The following TAF4 variants were observed in gnomAD, a reference collection of about 807,000 sequenced individuals.
The protein encoded by TAF4 is transcription initiation factor TFIID subunit 4.
A neutral mutation model predicts 90.3 loss-of-function variants in TAF4; 9 were observed. The ratio of observed to expected loss-of-function variants is 0.10; its 90% CI spans 0.06 to 0.17. The LOEUF (loss-of-function observed/expected upper bound fraction) is 0.17. Among genes scored for constraint, TAF4 ranks in the 10% least tolerant of loss-of-function variants. The probability of loss-of-function intolerance (pLI) is 1.00; values close to 1 mark genes in which losing one functional copy is unlikely to be tolerated. For synonymous variants in TAF4, 818 were observed against 638.9 expected, an observed-to-expected ratio of 1.28 and a Z score of -4.23; for missense variants, 1,351 against 1,370.7, an observed-to-expected ratio of 0.99 and a Z score of 0.23.
chr20:61,993,671 G>A (rs2055645707), intron 14 of TAF4, among the ~76,000 whole-genome samples: 1 of 152,184 alleles, frequency 6.6e-6, no homozygotes, highest in Admixed American at 6.5e-5. Context: ...TTGGAGGGAG[G>A]TAAAAGCAGC....
chr20:61,990,228 A>C (rs1412932800), intron 14 of TAF4, among the ~76,000 whole-genome samples: 1 of 152,200 alleles, frequency 6.6e-6, no homozygotes, highest in African/African-American at 2.4e-5. Flanking sequence ...ACGCAAACAC[A>C]TGTGGTGTAG....
chr20:62,050,843 C>G (rs991505110), intron 1 of TAF4, among the ~76,000 whole-genome samples: 1 of 152,020 alleles, frequency 6.6e-6, no homozygotes, highest in African/African-American at 2.4e-5. Flanking sequence ...CCTGGCCCCC[C>G]AGAACAAGGC....
chr20:62,021,416 A>C (rs568805143), intron 1 of TAF4, among the ~76,000 whole-genome samples: 1 of 152,358 alleles, frequency 6.6e-6, no homozygotes, highest in South Asian at 2.1e-4. Context: ...CAGGGCAGTA[A>C]GCACCTGGGA....
At chr20:61,984,043 C>A (rs777260374) in intron 14 of TAF4, among the ~76,000 whole-genome samples, 1 of 152,188 alleles carries the variant, frequency 6.6e-6, no homozygotes, top group Admixed American at 6.5e-5. Context: ...GGAGATGCGA[C>A]GAGACAGAAA....
chr20:62,029,486 G>GCGCACACACA lies in TAF4; in HGVS notation c.1361-14780_1361-14779insTGTGTGTGCG, dbSNP rs148456376. 3.3e-3 allele frequency among the ~76,000 whole-genome samples: 480 copies of GCGCACACACA among 146,170 alleles called. 3 individuals are homozygous for GCGCACACACA. The highest frequency in any genetic ancestry group is 0.012 in the African/African-American group (461 of 38,262). On this transcript the variant is annotated intron_variant, in intron 1 of 14. Transcript: ENST00000252996. ...GCCCAGTGCCCACGTGCGCGCGCGC[G>GCGCACACACA]CACACACACACACACACACACTCAT...
intron 11 of TAF4, 21 bp downstream of exon 11, chr20:62,000,103 C>T (rs1284694253): frequency 5.0e-6 from 8 of 1,614,194 alleles, no homozygotes; most frequent in Non-Finnish European, 6.8e-6. Context: ...AAGACGCTCT[C>T]CTCGGCAAAC....
Position 62,046,696 on chromosome 20 carries a change from G to A in TAF4, c.1360+17755C>T, listed in dbSNP as rs138255256. 3.2e-4 allele frequency among the ~76,000 whole-genome samples: 49 copies of A among 152,300 alleles called. No individual in the cohort carries two copies. In the South Asian group the frequency reaches 3.5e-3, roughly 11 times the overall value. On this transcript the variant is annotated intron_variant, in intron 1 of 14. Transcript: ENST00000252996. Reference sequence around the variant, plus strand: ...TTTTACGCTTCTCCTAACTGTCAGCGTTGAGGGTCCCAGGACCTCCACACC... The same window carrying A: ...TTTTACGCTTCTCCTAACTGTCAGCATTGAGGGTCCCAGGACCTCCACACC...
Position 61,976,028 on chromosome 20 carries a change from C to T in TAF4, c.*140G>A. ...TTACAGAAACGTGTTTTCTTTCACACTGAAGAGCTGATTTAGAAACAGGAA... is the reference window on the plus strand; with the variant it reads ...TTACAGAAACGTGTTTTCTTTCACATTGAAGAGCTGATTTAGAAACAGGAA... On this transcript the variant is annotated 3_prime_UTR_variant, in exon 15 of 15. Coordinates refer to ENST00000252996, the MANE Select transcript of TAF4 (RefSeq NM_003185.4). 2.2e-6 allele frequency: 2 copies of T among 897,568 alleles called. No homozygotes were observed. Among genetic ancestry groups the T allele is most frequent in the Non-Finnish European group, 3.4e-6 (2 of 588,772 alleles). The allele number at this position is 897,568 out of a possible 1,614,324, so 55.6% of individuals were successfully genotyped here. A position where few individuals can be genotyped will look rare whatever the true frequency, so the allele number is the denominator to read the frequency against.
At chr20:61,978,535 C>G (rs1251976188) in intron 14 of TAF4, among the ~76,000 whole-genome samples, 14 of 134,542 alleles carry the variant, frequency 1.0e-4, no homozygotes, top group African/African-American at 3.7e-4. Flanking sequence ...CCAACCAAGG[C>G]CGGGGGCGAG....
In TAF4 at chr20:61,990,211, G is replaced by A. The variant is rs117719075; in HGVS notation, c.3090+7339C>T. On this transcript the variant is annotated intron_variant, in intron 14 of 14. Coordinates refer to ENST00000252996, the MANE Select transcript of TAF4 (RefSeq NM_003185.4). The stretch of plus-strand genomic sequence containing the variant: ...AAAGTGTACATATTGAAAAAGTACA[G>A]GAGTGCACGCAAACACATGTGGTGT... Among the ~76,000 whole-genome samples, 890 of 152,252 alleles carry A rather than the reference G, an allele frequency of 5.8e-3. 21 individuals carry two copies. The highest frequency in any genetic ancestry group is 0.035 in the East Asian group (182 of 5,174).
intron 14 of TAF4, chr20:61,979,297 G>A (rs539790181): frequency 9.8e-5 from 15 of 152,800 alleles, no homozygotes; most frequent in African/African-American, 3.6e-4. Flanking sequence ...GACTGGTCAT[G>A]GAGCCTGCTT....
At position 62,065,025 on chromosome 20, in the gene TAF4, C is replaced by CTTG; in HGVS notation, c.785_786insCAA (p.Ala262_Pro263insLys). The CTTG allele has an allele frequency of 2.6e-6, 1 of 380,006 alleles. No homozygotes were observed. Among genetic ancestry groups the CTTG allele is most frequent in the Non-Finnish European group, 3.1e-6 (1 of 321,572 alleles). The allele number at this position is 380,006 out of a possible 1,614,324, so 23.5% of individuals were successfully genotyped here. On this transcript the variant is annotated inframe_insertion, in exon 1 of 15. Transcript: ENST00000252996. ...GCGGGGCGGCGGCGGGGGCGGCGGG[C>CTTG]GCGGGGGCGGCGGGGGGCGAGGGCG... is the stretch of plus-strand genomic sequence containing the variant.
rs1470292204 is a variant in TAF4 at position 62,065,271 on chromosome 20, G to A, written c.540C>T (p.Pro180=). The part of the protein sequence containing the change: ...AGPGPGPGPG[P]GPGPGPGKPA... ...GCTTGCCAGGGCCAGGGCCGGGGCC[G>A]GGGCCGGGGCCGGGCCCGGGGCCGG... The change falls in exon 1 of 15, where the codon CCC becomes CCT. Residue 180 remains proline (P), a synonymous_variant. Coordinates refer to ENST00000252996, the MANE Select transcript of TAF4 (RefSeq NM_003185.4). 2 of 935,194 alleles carry A rather than the reference G, an allele frequency of 2.1e-6. No individual in the cohort carries two copies. The highest frequency in any genetic ancestry group is 2.5e-6 in the Non-Finnish European group (2 of 791,416). 57.9% of individuals were successfully genotyped at this position (935,194 alleles called of 1,614,324 possible).
intron 1 of TAF4, among the ~76,000 whole-genome samples, chr20:62,056,918 T>C (rs1349396182): frequency 2.0e-5 from 3 of 152,244 alleles, no homozygotes; most frequent in East Asian, 3.8e-4. Context: ...CCCTTGTTCC[T>C]GTCATGATGC....
chr20:62,044,488 A>G (rs1176956137), intron 1 of TAF4, among the ~76,000 whole-genome samples: 1 of 152,256 alleles, frequency 6.6e-6, no homozygotes, highest in African/African-American at 2.4e-5. Flanking sequence ...TTGGTAACAT[A>G]ACCAACACAA....
At chr20:62,013,730 G>T (rs1032797966) in intron 2 of TAF4, among the ~76,000 whole-genome samples, 4 of 152,224 alleles carry the variant, frequency 2.6e-5, no homozygotes, top group Non-Finnish European at 5.9e-5. Context: ...AGGGAAACAC[G>T]GCAGGAGACG....
chr20:62,064,724 C>G lies in TAF4; in HGVS notation c.1087G>C (p.Ala363Pro). 8.2e-7 allele frequency: 1 copy of G among 1,223,100 alleles called. No individual in the cohort carries two copies. The highest frequency in any genetic ancestry group is 1.0e-6 in the Non-Finnish European group (1 of 984,248). 75.8% of individuals were successfully genotyped at this position (1,223,100 alleles called of 1,614,324 possible). A position where few individuals can be genotyped will look rare whatever the true frequency, so the allele number is the denominator to read the frequency against. The stretch of plus-strand genomic sequence containing the variant: ...GCCGCCGTGCTGGCCGGGCCGCTGG[C>G]CGCCAGGGTCTGCGCCGCCGGGGGC... The part of the protein sequence containing the change: ...AAPPAAQTLA[A>P]SGPASTAASM... Residue 363 changes from alanine (A) to proline (P), a missense_variant, in exon 1 of 15, where the codon GCC becomes CCC. This residue lies in a region of TAF4 where 782 missense variants were observed against 536.6 expected (regional missense o/e 1.46). Transcript: ENST00000252996.
intron 1 of TAF4, among the ~76,000 whole-genome samples, chr20:62,054,959 C>T (rs11699193): frequency 0.21 from 32,376 of 152,088 alleles, 4,385 homozygotes; most frequent in Non-Finnish European, 0.3. Flanking sequence ...TCACCCCTCC[C>T]TCCAGCCCAT....
rs2056118104 is a variant in TAF4, at chr20:62,065,037, G to C, written c.774C>G (p.Pro258=). 1.0e-5 allele frequency: 6 copies of C among 586,954 alleles called. No homozygotes were observed. Among genetic ancestry groups the C allele is most frequent in the Non-Finnish European group, 1.1e-5 (5 of 474,110 alleles). The allele number at this position is 586,954 out of a possible 1,614,324, so 36.4% of individuals were successfully genotyped here. ...APPAPAAPSP[P]AAPAPAAPAA... ...CGGGGGCGGCGGGCGCGGGGGCGGC[G>C]GGGGGCGAGGGCGCGGCGGGCGCGG... Residue 258 remains proline, a synonymous_variant, in exon 1 of 15, where the codon CCC becomes CCG. Coordinates refer to ENST00000252996, the MANE Select transcript of TAF4 (RefSeq NM_003185.4).
Sources: gnomAD v4.1 joint callset for allele counts (sites outside exome capture counted in the v4.1 genomes callset) on GRCh38, gnomAD v4.1.1 for gene constraint, gnomAD v4.1.1 regional missense constraint, MANE v1.5 for transcripts, NCBI Gene and HGNC (gene_info 2026-07-23, HGNC 2026-07-21) for gene names.